The following AMD1 variants were observed in gnomAD, a reference collection of about 807,000 sequenced individuals.
AMD1 encodes the protein adenosylmethionine decarboxylase 1, also known as S-adenosylmethionine decarboxylase proenzyme.
Under a neutral mutation model 40.2 loss-of-function variants are expected in AMD1, and 11 were observed. That is an observed-to-expected ratio of 0.27 (90% CI 0.17 to 0.45). AMD1 has a LOEUF of 0.45. AMD1 is among the 20% of genes least tolerant of loss of function. AMD1 has a pLI of 1.00. For missense variants in AMD1, 257 were observed against 410.2 expected, an observed-to-expected ratio of 0.63 and a Z score of 3.23; for synonymous variants, 121 against 130.8, an observed-to-expected ratio of 0.93 and a Z score of 0.51.
intron 1 of AMD1, among the ~76,000 whole-genome samples, chr6:110,886,400 G>A (rs1247315462): frequency 1.3e-5 from 2 of 152,000 alleles, no homozygotes; most frequent in East Asian, 1.9e-4. Context: ...TAGGATTACA[G>A]GCGATTCTCC....
intron 1 of AMD1, among the ~76,000 whole-genome samples, chr6:110,880,953 C>A (rs1052510836): frequency 3.3e-5 from 5 of 152,154 alleles, no homozygotes; most frequent in African/African-American, 1.2e-4. Context: ...AATCAGGCGA[C>A]ATAGAGAAGT....
At chr6:110,826,715 A>C in the AMD1 span, among the ~76,000 whole-genome samples, 2 of 124,586 alleles carry the variant, frequency 1.6e-5, no homozygotes, top group East Asian at 2.2e-4. Flanking sequence ...TGTGAGACGG[A>C]GTTTCACTCT....
At chr6:110,855,169 C>T in the AMD1 span, among the ~76,000 whole-genome samples, 1 of 145,670 alleles carries the variant, frequency 6.9e-6, no homozygotes, top group Non-Finnish European at 1.5e-5. Flanking sequence ...GCTAGGATTA[C>T]AAGCATGAGC....
At chr6:110,890,642 C>G in intron 4 of AMD1, 1 of 209,148 alleles carries the variant, frequency 4.8e-6, no homozygotes, top group South Asian at 1.6e-4. Flanking sequence ...TTTGCCACCC[C>G]ACCTGGCTAA....
chr6:110,883,668 T>C (rs949556955), intron 1 of AMD1, among the ~76,000 whole-genome samples: 14 of 152,162 alleles, frequency 9.2e-5, no homozygotes, highest in African/African-American at 3.4e-4. Flanking sequence ...CTCGGCTCAC[T>C]GCAAGCTCCG....
chr6:110,818,362 GATTA>G, the AMD1 span, among the ~76,000 whole-genome samples: 2 of 152,104 alleles, frequency 1.3e-5, no homozygotes, highest in African/African-American at 4.8e-5. Flanking sequence ...GAATAACATT[GATTA>G]ATGAATGAGC....
the AMD1 span, among the ~76,000 whole-genome samples, chr6:110,842,327 G>A: frequency 5.3e-5 from 8 of 152,210 alleles, no homozygotes; most frequent in Non-Finnish European, 5.9e-5. Flanking sequence ...TATGCTTACA[G>A]CATTGGAAGA....
intron 1 of AMD1, among the ~76,000 whole-genome samples, chr6:110,883,758 ATT>A (rs1309977819): frequency 1.4e-5 from 2 of 146,286 alleles, no homozygotes; most frequent in Admixed American, 6.8e-5. Context: ...TGCCCAGCTA[ATT>A]TTTTTTTTTT....
intron 2 of AMD1, 95 bp from the exon 3 acceptor site, chr6:110,888,762 A>G (rs1785847204): frequency 7.7e-7 from 1 of 1,301,556 alleles, no homozygotes; most frequent in Non-Finnish European, 1.1e-6. Flanking sequence ...ATTTAAAAGT[A>G]CTAGCCAAAA....
the AMD1 span, among the ~76,000 whole-genome samples, chr6:110,823,247 T>C: frequency 1.3e-5 from 2 of 152,160 alleles, no homozygotes; most frequent in African/African-American, 4.8e-5. Flanking sequence ...AAGCCATATA[T>C]GATAAACCCA....
chr6:110,852,041 T>A, the AMD1 span, among the ~76,000 whole-genome samples: 5 of 148,060 alleles, frequency 3.4e-5, no homozygotes, highest in South Asian at 8.7e-4. Flanking sequence ...TTCTGTAACA[T>A]AACGAGATTT....
At position 110,892,085 on chromosome 6, in the gene AMD1, A is replaced by C. The variant is rs1333493772; in HGVS notation, c.428-76A>C. On this transcript the variant is annotated intron_variant, in intron 4 of 8. Transcript: ENST00000368885. Reference sequence around the variant, plus strand: ...AGTGGCAAATAGTATCATTCTGCTTATTGTGGAAGGGTAGTAACAAACCAT... The same window carrying C: ...AGTGGCAAATAGTATCATTCTGCTTCTTGTGGAAGGGTAGTAACAAACCAT... 4.0e-6 allele frequency: 6 copies of C among 1,490,770 alleles called. No homozygotes were observed. The African/African-American group carries it at 8.3e-5, about 21-fold the overall frequency. The allele number at this position is 1,490,770 out of a possible 1,614,324, so 92.3% of individuals were successfully genotyped here. A position where few individuals can be genotyped will look rare whatever the true frequency, so the allele number is the denominator to read the frequency against.
At chr6:110,852,346 C>G in the AMD1 span, among the ~76,000 whole-genome samples, 1 of 150,986 alleles carries the variant, frequency 6.6e-6, no homozygotes, top group Non-Finnish European at 1.5e-5. Flanking sequence ...CTCAGTCTCC[C>G]GAGTAGCTAC....
chr6:110,871,377 A>G (rs1024938916), upstream of AMD1, among the ~76,000 whole-genome samples: 2 of 152,256 alleles, frequency 1.3e-5, no homozygotes, highest in African/African-American at 4.8e-5. Flanking sequence ...AGCTACTGCA[A>G]TAGTTCAGGG....
At chr6:110,847,063 GGTGTGTGT>G in the AMD1 span, among the ~76,000 whole-genome samples, 3 of 143,180 alleles carry the variant, frequency 2.1e-5, no homozygotes, top group Admixed American at 1.4e-4. Context: ...GTGTGTGTGT[GGTGTGTGT>G]GTGTGTGTGT....
the AMD1 span, chr6:110,858,839 A>T: frequency 1.3e-6 from 1 of 780,268 alleles, no homozygotes; most frequent in Non-Finnish European, 2.4e-6. Flanking sequence ...CCTGCCCCCC[A>T]TGGACAACTT....
intron 1 of AMD1, among the ~76,000 whole-genome samples, chr6:110,887,113 T>C (rs537151406): frequency 6.6e-6 from 1 of 152,158 alleles, no homozygotes; most frequent in African/African-American, 2.4e-5. Context: ...GCCAATTAGA[T>C]TGGTAAAATT....
At chr6:110,893,384 T>C in intron 8 of AMD1, 92 bp from the exon 9 acceptor site, 1 of 1,508,502 alleles carries the variant, frequency 6.6e-7, no homozygotes, top group Non-Finnish European at 9.0e-7. Context: ...TGTCTTAGTT[T>C]CATTAAGATA....
the AMD1 span, among the ~76,000 whole-genome samples, chr6:110,851,538 C>T: frequency 2.6e-5 from 4 of 152,112 alleles, no homozygotes; most frequent in Admixed American, 6.6e-5. Context: ...TCTCCACCCA[C>T]GGCAACCTCC....
Sources: allele counts gnomAD v4.1 joint callset (sites outside exome capture counted in the v4.1 genomes callset), GRCh38; gene constraint gnomAD v4.1.1; transcripts MANE v1.5; gene names NCBI Gene and HGNC (gene_info 2026-07-23, HGNC 2026-07-21).